Variants in BMPR1B observed in about 807,000 individuals in gnomAD.
The protein encoded by BMPR1B is bone morphogenetic protein receptor type-1B.
A neutral mutation model predicts 59.1 loss-of-function variants in BMPR1B; 12 were observed. That is an observed-to-expected ratio of 0.20 (90% CI 0.13 to 0.33). The LOEUF is 0.33. Ranked by LOEUF, BMPR1B falls within the 10% of genes least tolerant of loss-of-function variation. BMPR1B has a pLI of 1.00. For synonymous variants in BMPR1B, 237 were observed against 207.3 expected (o/e 1.14, Z -1.23); for missense variants, 550 against 610.9 (o/e 0.90, Z 1.05).
intron 6 of BMPR1B, among the ~76,000 whole-genome samples, chr4:95,120,031 C>T (rs1050667506): frequency 1.3e-5 from 2 of 152,116 alleles, no homozygotes; most frequent in Non-Finnish European, 2.9e-5. Context: ...TCCCCTCACC[C>T]CCGTTAATCC....
intron 3 of BMPR1B, among the ~76,000 whole-genome samples, chr4:95,095,579 T>A (rs1303390239): frequency 6.6e-6 from 1 of 152,086 alleles, no homozygotes; most frequent in Non-Finnish European, 1.5e-5. Flanking sequence ...AGAACAGTGA[T>A]GAGAATCAAC....
chr4:94,963,055 G>T (rs1222089763), intron 2 of BMPR1B, among the ~76,000 whole-genome samples: 2 of 151,962 alleles, frequency 1.3e-5, no homozygotes, highest in Non-Finnish European at 2.9e-5. Context: ...GTTTTGATTT[G>T]CATTTTTCTG....
intron 4 of BMPR1B, among the ~76,000 whole-genome samples, chr4:95,112,053 C>T (rs1388888078): frequency 6.6e-6 from 1 of 152,042 alleles, no homozygotes; most frequent in Non-Finnish European, 1.5e-5. Flanking sequence ...TTTCATTTTG[C>T]TATCACTTTT....
At chr4:94,917,743 G>A (rs1560546372) in intron 2 of BMPR1B, among the ~76,000 whole-genome samples, 1 of 152,120 alleles carries the variant, frequency 6.6e-6, no homozygotes, top group African/African-American at 2.4e-5. Flanking sequence ...AAGACTGTTG[G>A]GAAGGCATGA....
At chr4:95,106,583 G>A (rs1372181392) in intron 4 of BMPR1B, among the ~76,000 whole-genome samples, 4 of 151,998 alleles carry the variant, frequency 2.6e-5, no homozygotes, top group Non-Finnish European at 2.9e-5. Flanking sequence ...AAATGCATAA[G>A]GTAGACTTTT....
intron 3 of BMPR1B, among the ~76,000 whole-genome samples, chr4:95,007,602 T>C (rs1722936198): frequency 6.6e-6 from 1 of 152,238 alleles, no homozygotes; most frequent in Non-Finnish European, 1.5e-5. Context: ...ATAACTCCTG[T>C]TGTAAAATGT....
intron 2 of BMPR1B, among the ~76,000 whole-genome samples, chr4:94,902,772 C>A (rs1727882358): frequency 6.6e-6 from 1 of 151,896 alleles, no homozygotes; most frequent in Admixed American, 6.6e-5. Flanking sequence ...AAACTTTAAA[C>A]CCTTGCAGTC....
chr4:95,149,385 T>C (rs923161984), intron 11 of BMPR1B, among the ~76,000 whole-genome samples: 1 of 152,210 alleles, frequency 6.6e-6, no homozygotes, highest in African/African-American at 2.4e-5. Flanking sequence ...CTGTATTTTT[T>C]ATAAAACTTC....
chr4:95,046,366 A>G (rs932109855), intron 3 of BMPR1B, among the ~76,000 whole-genome samples: 3 of 152,200 alleles, frequency 2.0e-5, no homozygotes, highest in Non-Finnish European at 2.9e-5. Flanking sequence ...TTCATGTGAG[A>G]GGCAGGAGAG....
chr4:94,803,993 C>T (rs536889951), intron 1 of BMPR1B, among the ~76,000 whole-genome samples: 30 of 152,222 alleles, frequency 2.0e-4, no homozygotes, highest in Admixed American at 5.9e-4. Flanking sequence ...ATTCTCCTGC[C>T]TCAGCCTCCC....
At chr4:95,107,817 A>G (rs1470107386) in intron 4 of BMPR1B, among the ~76,000 whole-genome samples, 1 of 152,084 alleles carries the variant, frequency 6.6e-6, no homozygotes, top group Non-Finnish European at 1.5e-5. Flanking sequence ...CTCTTGAGTA[A>G]AAGGCACATG....
chr4:95,136,423 A>G (rs1733791642), intron 10 of BMPR1B, among the ~76,000 whole-genome samples: 1 of 152,182 alleles, frequency 6.6e-6, no homozygotes, highest in Non-Finnish European at 1.5e-5. Flanking sequence ...TGCTGGCCTC[A>G]TAAAATGGGT....
intron 3 of BMPR1B, among the ~76,000 whole-genome samples, chr4:95,012,578 A>T (rs1357338656): frequency 6.6e-6 from 1 of 152,178 alleles, no homozygotes; most frequent in East Asian, 1.9e-4. Context: ...AAATGTACCT[A>T]TGCTGCTTCT....
At chr4:94,977,504 C>T (rs1318972) in intron 2 of BMPR1B, among the ~76,000 whole-genome samples, 141,841 of 148,594 alleles carry the variant, frequency 0.95, 67,713 homozygotes, top group Middle Eastern at 0.99. Context: ...TTTAGTTCCT[C>T]TAAATTTTGC....
chr4:94,882,561 A>G (rs2148980762), intron 2 of BMPR1B, among the ~76,000 whole-genome samples: 1 of 152,330 alleles, frequency 6.6e-6, no homozygotes, highest in East Asian at 1.9e-4. Flanking sequence ...AAAGCAGAGG[A>G]GATTTTATAA....
At chr4:94,878,392 G>A (rs762249158) in intron 2 of BMPR1B, among the ~76,000 whole-genome samples, 3 of 152,306 alleles carry the variant, frequency 2.0e-5, no homozygotes, top group Admixed American at 2.0e-4. Flanking sequence ...AGCAGAGGAC[G>A]TTATTTTTAT....
At chr4:94,941,785 C>T (rs1311254604) in intron 2 of BMPR1B, among the ~76,000 whole-genome samples, 6 of 152,090 alleles carry the variant, frequency 3.9e-5, no homozygotes, top group African/African-American at 9.7e-5. Flanking sequence ...TTCATCAAAA[C>T]CTCTCAGTAA....
intron 3 of BMPR1B, among the ~76,000 whole-genome samples, chr4:95,079,422 C>T (rs904705587): frequency 6.7e-5 from 10 of 149,538 alleles, no homozygotes; most frequent in Non-Finnish European, 1.3e-4. Context: ...AGTTTATATT[C>T]TAATTTGGAT....
At chr4:95,035,264 C>T (rs1016911953) in intron 3 of BMPR1B, among the ~76,000 whole-genome samples, 1 of 152,104 alleles carries the variant, frequency 6.6e-6, no homozygotes, top group South Asian at 2.1e-4. Context: ...TTTTGCTTTG[C>T]AGAAGCTTTT....
Sources: allele counts gnomAD v4.1 joint callset (sites outside exome capture counted in the v4.1 genomes callset), GRCh38; gene constraint gnomAD v4.1.1; transcripts MANE v1.5; gene names NCBI Gene and HGNC (gene_info 2026-07-23, HGNC 2026-07-21).